The following ING3 variants were observed in gnomAD, a reference collection of about 807,000 sequenced individuals.
ING3 encodes the protein inhibitor of growth family member 3, also known as inhibitor of growth protein 3.
In ING3, 6 loss-of-function variants were observed where a neutral mutation model predicts 64.8. The observed-to-expected ratio is 0.09, with a 90% CI of 0.05 to 0.18. The LOEUF (loss-of-function observed/expected upper bound fraction) is 0.18. Ranked by LOEUF, ING3 falls within the 10% of genes least tolerant of loss-of-function variation. The pLI is 1.00. For missense variants in ING3, 310 were observed against 489.7 expected, an observed-to-expected ratio of 0.63 and a Z score of 3.46; for synonymous variants, 170 against 173.7, an observed-to-expected ratio of 0.98 and a Z score of 0.17.
At chr7:120,966,805 C>G in intron 6 of ING3, 108 bp downstream of exon 6, 1 of 832,016 alleles carries the variant, frequency 1.2e-6, no homozygotes, top group Non-Finnish European at 2.0e-6. Flanking sequence ...AAATAAATCC[C>G]TTCTTTTTTT....
At chr7:120,957,974 T>C (rs1795875797) in intron 4 of ING3, among the ~76,000 whole-genome samples, 2 of 152,190 alleles carry the variant, frequency 1.3e-5, no homozygotes, top group Non-Finnish European at 2.9e-5. Flanking sequence ...ATGCTATTAG[T>C]TTGGCAGATA....
chr7:120,964,542 A>G (rs900632165), intron 4 of ING3, among the ~76,000 whole-genome samples, 200 bp from the exon 5 acceptor site: 1 of 152,194 alleles, frequency 6.6e-6, no homozygotes, highest in Non-Finnish European at 1.5e-5. Context: ...CTTAAAATTT[A>G]TTGAAGGAGA....
intron 4 of ING3, among the ~76,000 whole-genome samples, chr7:120,962,907 G>C (rs998026288): frequency 6.6e-6 from 1 of 151,784 alleles, no homozygotes; most frequent in Non-Finnish European, 1.5e-5. Flanking sequence ...TATAAATCTT[G>C]ATTTGTCAGC....
intron 10 of ING3, among the ~76,000 whole-genome samples, chr7:120,971,834 C>T (rs1168828626): frequency 1.3e-5 from 2 of 151,946 alleles, no homozygotes; most frequent in East Asian, 1.9e-4. Context: ...ATTTGACAGA[C>T]ACCAAAATAT....
intron 4 of ING3, among the ~76,000 whole-genome samples, chr7:120,961,315 C>T (rs574556335): frequency 6.6e-6 from 1 of 152,082 alleles, no homozygotes; most frequent in Non-Finnish European, 1.5e-5. Context: ...TTCTTCTTCC[C>T]CAATTTACCC....
chr7:120,961,909 C>A (rs937275259), intron 4 of ING3, among the ~76,000 whole-genome samples: 1 of 152,180 alleles, frequency 6.6e-6, no homozygotes, highest in Non-Finnish European at 1.5e-5. Flanking sequence ...AATGGAAAAT[C>A]TCTCAATTGG....
intron 4 of ING3, among the ~76,000 whole-genome samples, chr7:120,959,821 A>ATTT (rs1325332523): frequency 6.6e-6 from 1 of 150,408 alleles, no homozygotes; most frequent in Non-Finnish European, 1.5e-5. Flanking sequence ...AATTTTTTGT[A>ATTT]TTTTTAGTAG....
chr7:120,973,406 T>C (rs1796093538), intron 11 of ING3, among the ~76,000 whole-genome samples, 163 bp downstream of exon 11: 1 of 152,152 alleles, frequency 6.6e-6, no homozygotes, highest in African/African-American at 2.4e-5. Flanking sequence ...AATAGGGTAG[T>C]GTCCCTTAAT....
rs189093140 is a variant in ING3, at chr7:120,970,751, G to A, written c.972G>A (p.Ser324=). The A allele has an allele frequency of 1.4e-5, 23 of 1,612,426 alleles. No individual in the cohort carries two copies. In the Admixed American group the frequency reaches 3.0e-4, roughly 21 times the overall value. Residue 324 remains serine (S), a synonymous_variant, in exon 10 of 12, where the codon TCG becomes TCA. Transcript: ENST00000315870. Reference sequence around the variant, plus strand: ...CCTCCTCCTCTTCTTCCTTATCATCGTGTTCTTCATCATCAACTGTTGTAC... The same window carrying A: ...CCTCCTCCTCTTCTTCCTTATCATCATGTTCTTCATCATCAACTGTTGTAC... ...SSSSSSSSLS[S]CSSSSTVVQE... is the part of the protein sequence containing the mutation.
intron 2 of ING3, among the ~76,000 whole-genome samples, chr7:120,951,504 C>G (rs773960425): frequency 6.6e-6 from 1 of 152,174 alleles, no homozygotes; most frequent in African/African-American, 2.4e-5. Flanking sequence ...ATTTCTCTAC[C>G]GTCATTGACA....
Position 120,975,841 on chromosome 7 carries a change from G to A in ING3, c.*997G>A, listed in dbSNP as rs1173121977. 6.6e-6 allele frequency: 1 copy of A among 152,140 alleles called. No homozygotes were observed. The highest frequency in any genetic ancestry group is 2.4e-5 in the African/African-American group (1 of 41,428). The allele number at this position is 152,140 out of a possible 1,614,324, so 9.4% of individuals were successfully genotyped here. ...GGAAAGACATTTTTAATGTAAATTT[G>A]AAATGCCAATGTATTTTTTTAAGAA... On this transcript the variant is annotated 3_prime_UTR_variant, in exon 12 of 12. Coordinates refer to ENST00000315870, the MANE Select transcript of ING3 (RefSeq NM_019071.3).
intron 4 of ING3, among the ~76,000 whole-genome samples, chr7:120,961,102 T>C (rs1179097123): frequency 1.3e-5 from 2 of 152,278 alleles, no homozygotes; most frequent in African/African-American, 4.8e-5. Flanking sequence ...TAAGGAAATA[T>C]GTGAGTTTGA....
Position 120,974,848 on chromosome 7 carries a change from T to C in ING3, c.*4T>C. 6.3e-7 allele frequency: 1 copy of C among 1,579,924 alleles called. No individual in the cohort carries two copies. The highest frequency in any genetic ancestry group is 8.7e-7 in the Non-Finnish European group (1 of 1,155,208). ...AAGAGGCAGCAGACACAAATAAAGG[T>C]GGTCCTTTTGTTTGATGAAGAAATA... On this transcript the variant is annotated 3_prime_UTR_variant, in exon 12 of 12. Transcript: ENST00000315870.
Position 120,969,077 on chromosome 7 carries a change from C to A in ING3, c.781C>A (p.Gln261Lys), listed in dbSNP as rs1338386869. 3 of 1,613,654 alleles carry A rather than the reference C, an allele frequency of 1.9e-6. No individual in the cohort carries two copies. In the African/African-American group the frequency reaches 4.0e-5, roughly 22 times the overall value. Residue 261 changes from glutamine (Q) to lysine (K), a missense_variant, in exon 9 of 12, where the codon CAG becomes AAG. By Grantham distance (53) the Gln-to-Lys change is moderately conservative. Transcript: ENST00000315870. ...TGAAGCATTTAAGAATAATGACTTT[C>A]AGTTGGGAAAAGAATTTTCAATGGC... Reference protein sequence around the residue: ...SYEAFKNNDFQLGKEFSMARE... With the variant: ...SYEAFKNNDFKLGKEFSMARE...
rs149723021 is a variant in ING3, at chr7:120,967,915, C to A, written c.557-19C>A. On this transcript the variant is annotated intron_variant, in intron 7 of 11. Coordinates refer to ENST00000315870, the MANE Select transcript of ING3 (RefSeq NM_019071.3). The stretch of plus-strand genomic sequence containing the variant: ...ATGTTCTCTGCAACCATTTTTATTT[C>A]TTTTTTACATCTACACAGGTTGTCG... 1.6e-5 allele frequency: 26 copies of A among 1,611,324 alleles called. 1 individual carries two copies. The highest frequency in any genetic ancestry group is 1.2e-4 in the African/African-American group (9 of 74,602).
rs775492387 is a variant in ING3 at position 120,964,769 on chromosome 7, C to G, written c.295C>G (p.Gln99Glu). Residue 99 changes from glutamine (Q) to glutamate (E), a missense_variant, in exon 5 of 12, where the codon CAG becomes GAG. Transcript: ENST00000315870. ...LVDRHLRKLD[Q>E]ELAKFKMELE... ...AGATCGACACTTGAGAAAGCTGGAT[C>G]AGGAACTGGCTAAGTTTAAAATGGA... is the stretch of plus-strand genomic sequence containing the variant. 1 of 1,613,674 alleles carries G rather than the reference C, an allele frequency of 6.2e-7. No individual in the cohort carries two copies. The highest frequency in any genetic ancestry group is 2.2e-5 in the East Asian group (1 of 44,868).
At chr7:120,963,497 G>A (rs185916074) in intron 4 of ING3, among the ~76,000 whole-genome samples, 66 of 151,588 alleles carry the variant, frequency 4.4e-4, no homozygotes, top group African/African-American at 1.3e-3. Context: ...TCAATGTCAG[G>A]TAAATGGCAA....
At chr7:120,951,141 CTG>C (rs1795757372) in intron 1 of ING3, 21 bp from the exon 2 acceptor site, 2 of 1,613,536 alleles carry the variant, frequency 1.2e-6, no homozygotes, top group African/African-American at 2.7e-5. Context: ...CCCCGCCCCT[CTG>C]ACGGACTCTC....
At chr7:120,951,073 C>T in intron 1 of ING3, 91 bp from the exon 2 acceptor site, 1 of 1,514,326 alleles carries the variant, frequency 6.6e-7, no homozygotes, top group Non-Finnish European at 9.2e-7. Flanking sequence ...GGGCTGCCGG[C>T]CCCCTCGACC....
Sources: gnomAD v4.1 joint callset for allele counts (sites outside exome capture counted in the v4.1 genomes callset) on GRCh38, gnomAD v4.1.1 for gene constraint, MANE v1.5 for transcripts, NCBI Gene and HGNC (gene_info 2026-07-23, HGNC 2026-07-21) for gene names.